EFCAB3: variants seen among roughly 807,000 people sequenced by gnomAD.
EFCAB3 encodes the protein EF-hand calcium binding domain 3, also known as EF-hand calcium-binding domain-containing protein 3.
A neutral mutation model predicts 42.2 loss-of-function variants in EFCAB3; 36 were observed. The ratio of observed to expected loss-of-function variants is 0.85; its 90% CI spans 0.65 to 1.13. EFCAB3 has a LOEUF of 1.13. Among genes scored for constraint, EFCAB3 ranks in the 50% most tolerant of loss-of-function variants. The probability of loss-of-function intolerance (pLI) is 0.00; values close to 1 mark genes in which losing one functional copy is unlikely to be tolerated. For missense variants in EFCAB3, 418 were observed against 505.1 expected, an observed-to-expected ratio of 0.83 and a Z score of 1.65; for synonymous variants, 170 against 172.8, an observed-to-expected ratio of 0.98 and a Z score of 0.13.
At chr17:62,398,175 C>A (rs555084376) in intron 6 of EFCAB3, 2 of 210,818 alleles carry the variant, frequency 9.5e-6, no homozygotes, top group Non-Finnish European at 2.0e-5. Flanking sequence ...AGTGACGGGC[C>A]AGGCGTGATG....
rs758345065 is a variant in EFCAB3, at chr17:62,391,904, G to T, written c.234G>T (p.Lys78Asn). 40 of 1,613,696 alleles carry T rather than the reference G, an allele frequency of 2.5e-5. No individual in the cohort carries two copies. The highest frequency in any genetic ancestry group is 3.3e-5 in the Non-Finnish European group (39 of 1,179,754). Reference protein sequence around the residue: ...DFHGLMCTVAKLGMNLTKHDV... With the variant: ...DFHGLMCTVANLGMNLTKHDV... ...ATGGACTGATGTGCACTGTAGCTAA[G>T]CTGGGAATGAATCTGACCAAGCATG... Residue 78 changes from lysine to asparagine, a missense_variant, in exon 4 of 10, where the codon AAG becomes AAT. Transcript: ENST00000305286.
chr17:62,376,520 C>A (rs1325333984), upstream of EFCAB3, among the ~76,000 whole-genome samples: 1 of 152,132 alleles, frequency 6.6e-6, no homozygotes, highest in African/African-American at 2.4e-5. Context: ...AATTTTATTT[C>A]TTAATGCCAT....
chr17:62,415,946 C>G, intron 9 of EFCAB3, 57 bp from the exon 10 acceptor site: 1 of 1,382,370 alleles, frequency 7.2e-7, no homozygotes, highest in Non-Finnish European at 9.9e-7. Context: ...TCATTGTGGT[C>G]CACAAATCAA....
intron 6 of EFCAB3, among the ~76,000 whole-genome samples, chr17:62,398,724 T>C (rs116550696): frequency 0.022 from 3,199 of 142,298 alleles, 128 homozygotes; most frequent in African/African-American, 0.077. Context: ...CACACACACA[T>C]ATATATATGT....
intron 6 of EFCAB3, among the ~76,000 whole-genome samples, chr17:62,401,660 G>A (rs2070404129): frequency 6.6e-6 from 1 of 152,050 alleles, no homozygotes; most frequent in South Asian, 2.1e-4. Context: ...CTCTGTTTTG[G>A]TACCAGTACC....
chr17:62,413,608 G>T, intron 8 of EFCAB3, 124 bp from the exon 9 acceptor site: 2 of 956,724 alleles, frequency 2.1e-6, no homozygotes, highest in Non-Finnish European at 1.5e-6. Flanking sequence ...AAATGGTTTG[G>T]CAATAACCTT....
At chr17:62,388,659 A>G (rs566633018) in intron 3 of EFCAB3, among the ~76,000 whole-genome samples, 231 of 152,328 alleles carry the variant, frequency 1.5e-3, no homozygotes, top group African/African-American at 5.2e-3. Flanking sequence ...GGCCCCAGAT[A>G]GCAAAACATC....
intron 3 of EFCAB3, 88 bp from the exon 4 acceptor site, chr17:62,391,734 A>T: frequency 7.7e-7 from 1 of 1,297,752 alleles, no homozygotes. Context: ...CATGATCTCC[A>T]GTCAACTATA....
chr17:62,402,575 T>G (rs2070413266), intron 6 of EFCAB3, among the ~76,000 whole-genome samples: 1 of 152,262 alleles, frequency 6.6e-6, no homozygotes, highest in East Asian at 1.9e-4. Flanking sequence ...TGGTTCTGTT[T>G]ATATGATGGG....
chr17:62,377,613 G>A (rs1015562413), upstream of EFCAB3, among the ~76,000 whole-genome samples: 2 of 152,170 alleles, frequency 1.3e-5, no homozygotes, highest in Admixed American at 6.5e-5. Context: ...TATCTAATTA[G>A]TCAATACCTT....
upstream of EFCAB3, among the ~76,000 whole-genome samples, chr17:62,379,879 A>G (rs1276193332): frequency 6.6e-6 from 1 of 152,230 alleles, no homozygotes; most frequent in Non-Finnish European, 1.5e-5. Context: ...AAGACAGCCT[A>G]TGAGAGTTTT....
upstream of EFCAB3, among the ~76,000 whole-genome samples, chr17:62,376,742 A>G (rs2070153859): frequency 6.6e-6 from 1 of 152,214 alleles, no homozygotes; most frequent in Admixed American, 6.5e-5. Flanking sequence ...ATATATGAAC[A>G]ACTTCAAGAC....
chr17:62,397,407 G>A (rs538233380), intron 6 of EFCAB3: 17 of 434,484 alleles, frequency 3.9e-5, no homozygotes, highest in East Asian at 2.2e-4. Flanking sequence ...ATGGGCAAGC[G>A]TCATGGACTT....
At position 62,393,642 on chromosome 17, in the gene EFCAB3, T is replaced by G. The variant is rs749006281; in HGVS notation, c.365T>G (p.Val122Gly). 1.8e-5 allele frequency: 29 copies of G among 1,613,916 alleles called. No individual in the cohort carries two copies. Among genetic ancestry groups the G allele is most frequent in the Middle Eastern group, 1.7e-4 (1 of 6,060 alleles). Residue 122 changes from valine to glycine, a missense_variant and splice_region_variant, in exon 5 of 10, where the codon GTG becomes GGG. Val to Gly is a moderately radical substitution (Grantham distance 109). Coordinates refer to ENST00000305286, the MANE Select transcript of EFCAB3 (RefSeq NM_173503.4). ...LTDKNLFLKA[V>G]VPEKETCLDL... ...GATAAGAATCTCTTCCTCAAGGCAG[T>G]GGGTGAGTAGAGATGTTATGAACAG... is the stretch of plus-strand genomic sequence containing the variant.
intron 4 of EFCAB3, 54 bp downstream of exon 4, chr17:62,392,019 T>C: frequency 3.9e-6 from 6 of 1,536,534 alleles, no homozygotes; most frequent in Non-Finnish European, 5.3e-6. Flanking sequence ...TGTGAATATA[T>C]AGTTTTCTTT....
intron 2 of EFCAB3, among the ~76,000 whole-genome samples, chr17:62,384,801 A>T (rs1483862330): frequency 6.6e-6 from 1 of 152,208 alleles, no homozygotes; most frequent in Non-Finnish European, 1.5e-5. Flanking sequence ...TTACAGTGGT[A>T]CAAAAGCCAT....
chr17:62,406,932 A>C (rs2070453052), intron 7 of EFCAB3, 96 bp from the exon 8 acceptor site: 2 of 1,312,882 alleles, frequency 1.5e-6, no homozygotes, highest in South Asian at 3.0e-5. Flanking sequence ...GCCACTGAGA[A>C]GAATAGACAA....
upstream of EFCAB3, among the ~76,000 whole-genome samples, chr17:62,375,643 G>A (rs2070144563): frequency 6.6e-6 from 1 of 152,156 alleles, no homozygotes; most frequent in Admixed American, 6.5e-5. Context: ...TGAAGCAGCT[G>A]TATCAAGGTC....
At chr17:62,391,028 T>C (rs1398657033) in intron 3 of EFCAB3, among the ~76,000 whole-genome samples, 1 of 152,220 alleles carries the variant, frequency 6.6e-6, no homozygotes, top group African/African-American at 2.4e-5. Flanking sequence ...TTTGACAAAT[T>C]AGTTTTCTAT....
Sources: gnomAD v4.1 joint callset for allele counts (sites outside exome capture counted in the v4.1 genomes callset) on GRCh38, gnomAD v4.1.1 for gene constraint, MANE v1.5 for transcripts, NCBI Gene and HGNC (gene_info 2026-07-23, HGNC 2026-07-21) for gene names.